Variants in PAPPA2 observed in about 807,000 individuals in gnomAD.
PAPPA2 encodes the protein pappalysin 2.
A neutral mutation model predicts 176.4 loss-of-function variants in PAPPA2; 86 were observed. The observed-to-expected ratio is 0.49, with a 90% CI of 0.41 to 0.58. The LOEUF is 0.58. PAPPA2 is among the 20% of genes least tolerant of loss of function. The pLI is 0.00. For missense variants in PAPPA2, 2,073 were observed against 2,256.9 expected, an observed-to-expected ratio of 0.92 and a Z score of 1.65; for synonymous variants, 809 against 852.2, an observed-to-expected ratio of 0.95 and a Z score of 0.88.
At chr1:176,616,647 A>T in intron 3 of PAPPA2, 1 of 1,569,884 alleles carries the variant, frequency 6.4e-7, no homozygotes, top group South Asian at 1.1e-5. Flanking sequence ...TGCTTCACAT[A>T]CTCTTACTAT....
At chr1:176,665,025 G>A (rs558027363) in intron 3 of PAPPA2, among the ~76,000 whole-genome samples, 139 of 152,180 alleles carry the variant, frequency 9.1e-4, no homozygotes, top group Non-Finnish European at 1.6e-3. Flanking sequence ...GGAATTCTGC[G>A]TTTTCTACTT....
chr1:176,567,594 A>C (rs2102607873), intron 2 of PAPPA2, among the ~76,000 whole-genome samples: 1 of 152,342 alleles, frequency 6.6e-6, no homozygotes. Context: ...CAAGCCTTTA[A>C]CCACATGTTG....
At position 176,504,853 on chromosome 1, in the gene PAPPA2, A is replaced by G. The variant is rs565774585; in HGVS notation, c.-917+41435A>G. ...AGAACTGTTTATGTCTCAGATGGGT[A>G]CTACTCCTTCAGATGGATGATGAAA... On this transcript the variant is annotated intron_variant, in intron 1 of 22. Coordinates refer to ENST00000367662, the MANE Select transcript of PAPPA2 (RefSeq NM_020318.3). 5.9e-5 allele frequency among the ~76,000 whole-genome samples: 9 copies of G among 152,260 alleles called. No individual in the cohort carries two copies. In the South Asian group the frequency reaches 1.9e-3, roughly 31 times the overall value.
At chr1:176,739,946 G>C (rs753342723) in intron 13 of PAPPA2, 34 bp from the exon 14 acceptor site, 1 of 1,606,764 alleles carries the variant, frequency 6.2e-7, no homozygotes, top group Non-Finnish European at 8.5e-7. Context: ...ACTAACAATG[G>C]CTGAAAATAT....
intron 7 of PAPPA2, among the ~76,000 whole-genome samples, chr1:176,696,192 G>A (rs2102814304): frequency 6.6e-6 from 1 of 151,932 alleles, no homozygotes; most frequent in South Asian, 2.1e-4. Flanking sequence ...AGTGTTACGT[G>A]TGCCTACTGG....
At chr1:176,471,036 T>A (rs894105271) in intron 1 of PAPPA2, among the ~76,000 whole-genome samples, 4 of 152,136 alleles carry the variant, frequency 2.6e-5, no homozygotes, top group Admixed American at 6.5e-5. Context: ...AGATAGTAGG[T>A]GATAGCCTGT....
At chr1:176,573,406 C>T (rs1018135751) in intron 2 of PAPPA2, among the ~76,000 whole-genome samples, 21 of 152,178 alleles carry the variant, frequency 1.4e-4, no homozygotes, top group Admixed American at 3.3e-4. Flanking sequence ...AAACTGCAGC[C>T]GGTTAGCCAT....
At chr1:176,568,175 G>T (rs1652095847) in intron 2 of PAPPA2, among the ~76,000 whole-genome samples, 1 of 152,154 alleles carries the variant, frequency 6.6e-6, no homozygotes, top group Non-Finnish European at 1.5e-5. Context: ...TCAAGGTCTT[G>T]TATTAAAGAA....
At chr1:176,734,166 A>G (rs1310474710) in intron 12 of PAPPA2, among the ~76,000 whole-genome samples, 2 of 152,140 alleles carry the variant, frequency 1.3e-5, no homozygotes, top group African/African-American at 4.8e-5. Context: ...TCCAAGTTCT[A>G]TAAGCTCTTC....
At chr1:176,499,190 A>C (rs942748303) in intron 1 of PAPPA2, among the ~76,000 whole-genome samples, 2 of 152,216 alleles carry the variant, frequency 1.3e-5, no homozygotes, top group Non-Finnish European at 2.9e-5. Flanking sequence ...TATTCCAATT[A>C]GTTCAGGAAC....
chr1:176,613,231 A>C (rs1655029394), intron 3 of PAPPA2, among the ~76,000 whole-genome samples: 1 of 152,208 alleles, frequency 6.6e-6, no homozygotes, highest in Non-Finnish European at 1.5e-5. Flanking sequence ...TGTGGAAAAA[A>C]AGCAATTCTG....
chr1:176,588,088 G>T (rs1653433791), intron 2 of PAPPA2, among the ~76,000 whole-genome samples: 1 of 152,082 alleles, frequency 6.6e-6, no homozygotes, highest in African/African-American at 2.4e-5. Context: ...TTATATCCTT[G>T]AGCAGTGGTT....
intron 20 of PAPPA2, among the ~76,000 whole-genome samples, chr1:176,796,635 T>C (rs1665445478): frequency 6.6e-6 from 1 of 151,420 alleles, no homozygotes; most frequent in South Asian, 2.1e-4. Context: ...TTTCTTTTTC[T>C]TTCTTTTCTT....
chr1:176,587,674 G>A (rs1338281650), intron 2 of PAPPA2, among the ~76,000 whole-genome samples: 1 of 152,200 alleles, frequency 6.6e-6, no homozygotes, highest in Admixed American at 6.5e-5. Context: ...GGACCATGCT[G>A]TGTTGGTTAC....
intron 21 of PAPPA2, among the ~76,000 whole-genome samples, chr1:176,816,929 G>A (rs1417384844): frequency 1.3e-5 from 2 of 152,102 alleles, no homozygotes. Flanking sequence ...ACTCCTGAAA[G>A]TATAAATTTT....
intron 21 of PAPPA2, among the ~76,000 whole-genome samples, chr1:176,837,518 A>AT (rs1667321177): frequency 6.8e-6 from 1 of 147,828 alleles, no homozygotes; most frequent in African/African-American, 2.5e-5. Flanking sequence ...TTATAAAGAT[A>AT]TTTTTGTTTT....
At chr1:176,477,356 A>G (rs1242007445) in intron 1 of PAPPA2, among the ~76,000 whole-genome samples, 1 of 152,218 alleles carries the variant, frequency 6.6e-6, no homozygotes, top group African/African-American at 2.4e-5. Context: ...GTGATCCATT[A>G]TTACACACAT....
chr1:176,798,463 G>A (rs971278571), intron 20 of PAPPA2, among the ~76,000 whole-genome samples: 2 of 152,170 alleles, frequency 1.3e-5, no homozygotes, highest in African/African-American at 4.8e-5. Flanking sequence ...ACCCTCCTAT[G>A]AGAAGGAATA....
At chr1:176,635,222 G>A (rs1656627639) in intron 3 of PAPPA2, among the ~76,000 whole-genome samples, 1 of 151,960 alleles carries the variant, frequency 6.6e-6, no homozygotes, top group Admixed American at 6.6e-5. Context: ...TATGTATATG[G>A]GTGTATATTT....
Sources: gnomAD v4.1 joint callset for allele counts (sites outside exome capture counted in the v4.1 genomes callset) on GRCh38, gnomAD v4.1.1 for gene constraint, MANE v1.5 for transcripts, NCBI Gene and HGNC (gene_info 2026-07-23, HGNC 2026-07-21) for gene names.